SASH1: variants seen among roughly 807,000 people sequenced by gnomAD.
The protein encoded by SASH1 is SAM and SH3 domain-containing protein 1.
A neutral mutation model predicts 125.2 loss-of-function variants in SASH1; 44 were observed. The observed-to-expected ratio is 0.35, with a 90% CI of 0.28 to 0.45. The LOEUF is 0.45. SASH1 is among the 20% of genes least tolerant of loss of function. The probability of loss-of-function intolerance (pLI) is 1.00; values close to 1 mark genes in which losing one functional copy is unlikely to be tolerated. For missense variants in SASH1, 1,426 were observed against 1,614.5 expected (o/e 0.88, Z 2.00); for synonymous variants, 639 against 649.1 (o/e 0.98, Z 0.24).
chr6:148,463,463 G>C (rs992212804), intron 4 of SASH1, among the ~76,000 whole-genome samples: 1 of 152,238 alleles, frequency 6.6e-6, no homozygotes, highest in Admixed American at 6.5e-5. Context: ...TTTGTAAAAC[G>C]GAGTTTAATA....
At chr6:148,307,090 TTCTTTCTCTCTCTCTGTCTC>T (rs1780162581) in intron 1 of SASH1, among the ~76,000 whole-genome samples, 2 of 119,806 alleles carry the variant, frequency 1.7e-5, no homozygotes, top group African/African-American at 7.1e-5. Context: ...CTTTCTTTCT[TTCTTTCTCTCTCTCTGTCTC>T]TTTCTTTCTT....
the SASH1 span, among the ~76,000 whole-genome samples, chr6:148,203,436 A>G: frequency 6.6e-6 from 1 of 152,122 alleles, no homozygotes; most frequent in Non-Finnish European, 1.5e-5. Context: ...GCTGACTACA[A>G]ATAAGGAAAG....
At position 148,388,938 on chromosome 6, in the gene SASH1, A is replaced by G. The variant is rs78331479; in HGVS notation, c.157-1196A>G. Among the ~76,000 whole-genome samples, 452 of 151,876 alleles carry G rather than the reference A, an allele frequency of 3.0e-3. 3 individuals are homozygous for G. The highest frequency in any genetic ancestry group is 0.01 in the African/African-American group (428 of 41,418). ...GTAAAGTCATTTATTTATACCAAAG[A>G]GCAGAATGTTGGGAGGTTAAAAAAA... On this transcript the variant is annotated intron_variant, in intron 1 of 19. Transcript: ENST00000367467.
At chr6:148,459,820 G>A (rs183390217) in intron 4 of SASH1, among the ~76,000 whole-genome samples, 1 of 152,136 alleles carries the variant, frequency 6.6e-6, no homozygotes, top group Non-Finnish European at 1.5e-5. Context: ...CTATGTGATC[G>A]GTAACATTTT....
intron 8 of SASH1, among the ~76,000 whole-genome samples, chr6:148,488,034 C>T (rs1467442029): frequency 6.6e-6 from 1 of 151,584 alleles, no homozygotes; most frequent in South Asian, 2.1e-4. Context: ...TAAGTACATT[C>T]ACATTGCTGT....
At chr6:148,364,703 AC>A (rs1470838842) in intron 1 of SASH1, among the ~76,000 whole-genome samples, 3 of 152,234 alleles carry the variant, frequency 2.0e-5, no homozygotes, top group Non-Finnish European at 4.4e-5. Context: ...TGGGAAGAAC[AC>A]AAGGATAGAG....
At chr6:148,451,939 G>A (rs1777119012) in intron 4 of SASH1, among the ~76,000 whole-genome samples, 1 of 152,120 alleles carries the variant, frequency 6.6e-6, no homozygotes, top group Non-Finnish European at 1.5e-5. Context: ...GCATGTGTGT[G>A]TGCCCTGCGC....
intron 1 of SASH1, 113 bp downstream of exon 1, chr6:148,343,336 C>A: frequency 2.1e-6 from 2 of 950,696 alleles, no homozygotes; most frequent in African/African-American, 1.7e-5. Flanking sequence ...CAGAGGCGTC[C>A]TTCTCTGGCT....
chr6:148,223,030 G>T, the SASH1 span, among the ~76,000 whole-genome samples: 1 of 152,086 alleles, frequency 6.6e-6, no homozygotes, highest in Non-Finnish European at 1.5e-5. Context: ...ATTAAATATG[G>T]TCATCATCCT....
chr6:148,210,190 TG>T, the SASH1 span, among the ~76,000 whole-genome samples: 1 of 152,206 alleles, frequency 6.6e-6, no homozygotes, highest in Non-Finnish European at 1.5e-5. Context: ...TAAAGACTGC[TG>T]ATGCCCCTTT....
intron 4 of SASH1, among the ~76,000 whole-genome samples, chr6:148,456,184 T>C (rs1052081685): frequency 6.6e-6 from 1 of 151,944 alleles, no homozygotes; most frequent in Non-Finnish European, 1.5e-5. Context: ...TCTGCCCTAC[T>C]CCCTTCCCCA....
At chr6:148,307,090 TTCTTTCTCTC>T (rs1780162502) in intron 1 of SASH1, among the ~76,000 whole-genome samples, 1 of 119,814 alleles carries the variant, frequency 8.3e-6, no homozygotes, top group Non-Finnish European at 1.7e-5. Flanking sequence ...CTTTCTTTCT[TTCTTTCTCTC>T]TCTCTGTCTC....
At chr6:148,388,789 G>A (rs561055546) in intron 1 of SASH1, among the ~76,000 whole-genome samples, 41 of 152,358 alleles carry the variant, frequency 2.7e-4, no homozygotes, top group Admixed American at 1.8e-3. Flanking sequence ...AGTGTTAGGC[G>A]TGTGTTGCTA....
At chr6:148,477,746 G>A (rs1466113893) in intron 7 of SASH1, among the ~76,000 whole-genome samples, 1 of 128,350 alleles carries the variant, frequency 7.8e-6, no homozygotes, top group African/African-American at 3.1e-5. Flanking sequence ...CGCCCAGGTT[G>A]GAGTGCAATG....
chr6:148,354,679 C>T (rs560199107), intron 1 of SASH1, among the ~76,000 whole-genome samples: 3 of 152,086 alleles, frequency 2.0e-5, no homozygotes, highest in Non-Finnish European at 2.9e-5. Flanking sequence ...CACATTTCAG[C>T]GTGAATATGG....
intron 4 of SASH1, among the ~76,000 whole-genome samples, chr6:148,457,006 C>T (rs955648868): frequency 2.0e-5 from 3 of 150,046 alleles, no homozygotes; most frequent in Admixed American, 6.6e-5. Flanking sequence ...CAATGTGCTA[C>T]AGCCCTGTTT....
At chr6:148,454,882 A>G (rs1163291020) in intron 4 of SASH1, among the ~76,000 whole-genome samples, 3 of 152,212 alleles carry the variant, frequency 2.0e-5, no homozygotes, top group African/African-American at 7.2e-5. Context: ...CCTTCATGTC[A>G]GGAATGCTTG....
intron 1 of SASH1, among the ~76,000 whole-genome samples, chr6:148,288,101 C>A (rs1779533170): frequency 6.6e-6 from 1 of 152,226 alleles, no homozygotes; most frequent in Admixed American, 6.5e-5. Context: ...GGGACATAAG[C>A]TATGGCTGTC....
At chr6:148,525,090 C>T in intron 10 of SASH1, 1 of 556,870 alleles carries the variant, frequency 1.8e-6, no homozygotes, top group Non-Finnish European at 3.2e-6. Flanking sequence ...GTTCCAGTGG[C>T]CTGTGAAAGG....
Sources: allele counts gnomAD v4.1 joint callset (sites outside exome capture counted in the v4.1 genomes callset), GRCh38; gene constraint gnomAD v4.1.1; transcripts MANE v1.5; gene names NCBI Gene and HGNC (gene_info 2026-07-23, HGNC 2026-07-21).